SLC23A2: variants seen among roughly 807,000 people sequenced by gnomAD.
SLC23A2 encodes Na(+)/L-ascorbic acid transporter 2.
In SLC23A2, 36 loss-of-function variants were observed where a neutral mutation model predicts 73.3. The observed-to-expected ratio is 0.49, with a 90% CI of 0.38 to 0.65. SLC23A2 has a LOEUF of 0.65. Among genes scored for constraint, SLC23A2 ranks in the 30% least tolerant of loss-of-function variants. The pLI, the probability that SLC23A2 is intolerant of heterozygous loss-of-function variation, is 0.00. For synonymous variants in SLC23A2, 343 were observed against 327.3 expected (o/e 1.05, Z -0.52); for missense variants, 507 against 841.6 (o/e 0.60, Z 4.92).
chr20:4,912,543 T>C (rs915979067), intron 4 of SLC23A2, among the ~76,000 whole-genome samples: 3 of 151,960 alleles, frequency 2.0e-5, no homozygotes, highest in African/African-American at 7.3e-5. Flanking sequence ...TGACTCATAT[T>C]TGCACCCAGA....
At position 4,885,906 on chromosome 20, in the gene SLC23A2, T is replaced by C. The variant is rs1931078751; in HGVS notation, c.486A>G (p.Leu162=). ...TLLQTTFGCR[L]PLFQASAFAF... ...CAAAAGCACTGGCCTGAAACAGGGGTAACCTAAAAGAAACGAGACCAAAAC... is the reference window on the plus strand; with the variant it reads ...CAAAAGCACTGGCCTGAAACAGGGGCAACCTAAAAGAAACGAGACCAAAAC... Residue 162 remains leucine, a synonymous_variant, in exon 7 of 17, where the codon TTA becomes TTG. Transcript: ENST00000338244. 1 of 1,610,458 alleles carries C rather than the reference T, an allele frequency of 6.2e-7. No homozygotes were observed. The highest frequency in any genetic ancestry group is 1.3e-5 in the African/African-American group (1 of 74,678).
At chr20:5,004,156 T>C (rs947814183), upstream of SLC23A2, among the ~76,000 whole-genome samples, 1 of 152,184 alleles carries the variant, frequency 6.6e-6, no homozygotes, top group Non-Finnish European at 1.5e-5. Context: ...CATTTCCAAT[T>C]GTCCCTTGAA....
chr20:4,886,961 A>G (rs1433023045), intron 6 of SLC23A2, among the ~76,000 whole-genome samples: 2 of 152,182 alleles, frequency 1.3e-5, no homozygotes, highest in Non-Finnish European at 2.9e-5. Flanking sequence ...GGCTCTAGCT[A>G]AAGGACAAGC....
chr20:4,877,988 A>G (rs1371621479), intron 9 of SLC23A2, among the ~76,000 whole-genome samples: 3 of 152,234 alleles, frequency 2.0e-5, no homozygotes, highest in African/African-American at 7.2e-5. Flanking sequence ...CATGTAGATA[A>G]TACACATTTT....
chr20:4,966,124 A>G (rs2087470980), intron 2 of SLC23A2, among the ~76,000 whole-genome samples: 1 of 152,206 alleles, frequency 6.6e-6, no homozygotes. Flanking sequence ...TGGGTAAAAA[A>G]GAAAAATATA....
chr20:4,971,402 A>G (rs2087558858), intron 1 of SLC23A2, among the ~76,000 whole-genome samples: 1 of 151,648 alleles, frequency 6.6e-6, no homozygotes, highest in African/African-American at 2.4e-5. Flanking sequence ...GTGGAGAATC[A>G]CCTGAGCCCA....
At chr20:4,962,552 A>T (rs1181247594) in intron 2 of SLC23A2, among the ~76,000 whole-genome samples, 1 of 152,236 alleles carries the variant, frequency 6.6e-6, no homozygotes, top group African/African-American at 2.4e-5. Flanking sequence ...GAGCTGATAT[A>T]AACTGGAAGT....
chr20:4,894,667 C>T (rs1052724121), intron 6 of SLC23A2, among the ~76,000 whole-genome samples: 2 of 152,182 alleles, frequency 1.3e-5, no homozygotes, highest in Non-Finnish European at 2.9e-5. Context: ...CAAGGTGATG[C>T]CCTCTGTGAC....
At position 4,862,818 on chromosome 20, in the gene SLC23A2, A is replaced by C. The variant is rs1930026337; in HGVS notation, c.1446T>G (p.Leu482=). The C allele has an allele frequency of 6.2e-7, 1 of 1,613,992 alleles. No homozygotes were observed. The highest frequency in any genetic ancestry group is 8.5e-7 in the Non-Finnish European group (1 of 1,179,966). ...ACAGGGCTCCCAGCACAGGATCCGG[A>C]AGGGACGCAAAGAGGGCGCTGAACT... The part of the protein sequence containing the change: ...IGKFSALFAS[L]PDPVLGALFC... The change falls in exon 14 of 17, where the codon CTT becomes CTG. Residue 482 remains leucine (L), a synonymous_variant. Coordinates refer to ENST00000338244, the MANE Select transcript of SLC23A2 (RefSeq NM_005116.6). The surrounding 1 kb of genome is among the most constrained non-coding windows in gnomAD (Gnocchi z 5.1).
intron 6 of SLC23A2, among the ~76,000 whole-genome samples, chr20:4,886,173 C>T (rs572674134): frequency 2.6e-5 from 4 of 152,248 alleles, no homozygotes; most frequent in Admixed American, 1.3e-4. Context: ...ACCCCAACAC[C>T]GGCCCCTGCC....
At chr20:5,001,144 C>T (rs1600221950) in intron 1 of SLC23A2, among the ~76,000 whole-genome samples, 1 of 151,836 alleles carries the variant, frequency 6.6e-6, no homozygotes, top group South Asian at 2.1e-4. Context: ...GGTGGGTACC[C>T]CGGGGGCCCG....
At chr20:4,952,490 G>A (rs2087218561) in intron 2 of SLC23A2, among the ~76,000 whole-genome samples, 1 of 152,082 alleles carries the variant, frequency 6.6e-6, no homozygotes, top group South Asian at 2.1e-4. Context: ...AGCCAAACAA[G>A]ATAGTTTTAG....
intron 1 of SLC23A2, among the ~76,000 whole-genome samples, chr20:4,984,997 C>T (rs1000540335): frequency 5.3e-5 from 8 of 151,962 alleles, no homozygotes; most frequent in Admixed American, 4.6e-4. Context: ...ATTAGCTGGG[C>T]GTGGTGGCAC....
At chr20:4,898,016 T>C (rs1010858368) in intron 6 of SLC23A2, among the ~76,000 whole-genome samples, 2 of 152,162 alleles carry the variant, frequency 1.3e-5, no homozygotes, top group African/African-American at 2.4e-5. Context: ...CAAAAAAAGC[T>C]CTGCCGTGCA....
intron 3 of SLC23A2, among the ~76,000 whole-genome samples, chr20:4,930,012 G>A (rs1225250399): frequency 6.6e-6 from 1 of 152,162 alleles, no homozygotes; most frequent in Non-Finnish European, 1.5e-5. Flanking sequence ...TAAGAGGGAA[G>A]AAGAAGAACG....
At chr20:4,922,895 C>T (rs1932543446) in intron 3 of SLC23A2, among the ~76,000 whole-genome samples, 1 of 151,422 alleles carries the variant, frequency 6.6e-6, no homozygotes, top group South Asian at 2.1e-4. Flanking sequence ...TGATCAACTT[C>T]GTAAGCCTGC....
chr20:5,002,475 A>AT (rs111949958), upstream of SLC23A2, among the ~76,000 whole-genome samples: 2,993 of 152,312 alleles, frequency 0.02, 118 homozygotes, highest in South Asian at 0.16. Flanking sequence ...TAACTGAATG[A>AT]TAATGTACTA....
chr20:4,913,666 G>A (rs964856826), intron 3 of SLC23A2, among the ~76,000 whole-genome samples: 6 of 151,922 alleles, frequency 3.9e-5, no homozygotes, highest in East Asian at 3.9e-4. Context: ...GCGCTCTGTC[G>A]CCCAGGCTGG....
chr20:4,874,486 A>T, intron 10 of SLC23A2, 90 bp downstream of exon 10: 1 of 1,224,064 alleles, frequency 8.2e-7, no homozygotes, highest in South Asian at 1.5e-5. Context: ...TCCCCCAAGG[A>T]GGGCCTGCTT....
Sources: gnomAD v4.1 joint callset for allele counts (sites outside exome capture counted in the v4.1 genomes callset) on GRCh38, gnomAD v4.1.1 for gene constraint, Gnocchi (gnomAD v3.1) non-coding constraint, MANE v1.5 for transcripts, NCBI Gene and HGNC (gene_info 2026-07-23, HGNC 2026-07-21) for gene names.